DCLK1: variants seen among roughly 807,000 people sequenced by gnomAD.
DCLK1 encodes serine/threonine-protein kinase DCLK1.
Under a neutral mutation model 86.2 loss-of-function variants are expected in DCLK1, and 16 were observed. That is an observed-to-expected ratio of 0.19 (90% CI 0.13 to 0.28). The LOEUF is 0.28. Ranked by LOEUF, DCLK1 falls within the 10% of genes least tolerant of loss-of-function variation. The probability of loss-of-function intolerance (pLI) is 1.00; values close to 1 mark genes in which losing one functional copy is unlikely to be tolerated. For missense variants in DCLK1, 590 were observed against 940.2 expected (o/e 0.63, Z 4.87); for synonymous variants, 369 against 370.5 (o/e 1.00, Z 0.05).
intron 4 of DCLK1, among the ~76,000 whole-genome samples, chr13:35,936,133 G>T (rs1876737581): frequency 6.6e-6 from 1 of 152,116 alleles, no homozygotes; most frequent in Non-Finnish European, 1.5e-5. Context: ...ACTATGAAGG[G>T]TCAAGGGGAG....
chr13:36,007,031 A>C (rs1881004862), intron 3 of DCLK1, among the ~76,000 whole-genome samples: 1 of 152,200 alleles, frequency 6.6e-6, no homozygotes. Flanking sequence ...TACACAAAGA[A>C]ATCAAGATCT....
At chr13:35,977,381 C>G (rs1025633279) in intron 3 of DCLK1, among the ~76,000 whole-genome samples, 8 of 152,106 alleles carry the variant, frequency 5.3e-5, no homozygotes, top group African/African-American at 1.9e-4. Context: ...CCAGCTCACC[C>G]CAAATAAGTG....
chr13:35,923,709 A>G (rs1875940113), intron 4 of DCLK1, among the ~76,000 whole-genome samples: 1 of 152,096 alleles, frequency 6.6e-6, no homozygotes, highest in African/African-American at 2.4e-5. Flanking sequence ...CTATTTCTAT[A>G]TGCTGCAGTT....
At chr13:35,888,461 C>G (rs570211532) in intron 4 of DCLK1, among the ~76,000 whole-genome samples, 1 of 152,308 alleles carries the variant, frequency 6.6e-6, no homozygotes, top group East Asian at 1.9e-4. Flanking sequence ...TCCCTTAAAC[C>G]TATTTGAAGA....
intron 4 of DCLK1, among the ~76,000 whole-genome samples, chr13:35,937,270 G>A (rs1231462094): frequency 1.3e-5 from 2 of 152,178 alleles, no homozygotes; most frequent in East Asian, 3.9e-4. Flanking sequence ...ACCGCACCCG[G>A]TCCCAGAAAG....
At chr13:35,802,874 C>T (rs1483937313) in intron 15 of DCLK1, among the ~76,000 whole-genome samples, 1 of 152,156 alleles carries the variant, frequency 6.6e-6, no homozygotes, top group Non-Finnish European at 1.5e-5. Context: ...TCAGTCAGAA[C>T]CAACCACTGC....
In DCLK1 at chr13:35,854,481, G is replaced by A. The variant is rs778695804; in HGVS notation, c.1035+18C>T. Reference sequence around the variant, plus strand: ...GGCTGAGACAGGTCTGAAACAAGCAGCTTGCTTATTTCCTTACCCTCTGCT... The same window carrying A: ...GGCTGAGACAGGTCTGAAACAAGCAACTTGCTTATTTCCTTACCCTCTGCT... On this transcript the variant is annotated intron_variant, in intron 6 of 16. Transcript: ENST00000360631. The A allele has an allele frequency of 1.3e-6, 2 of 1,578,094 alleles. No individual in the cohort carries two copies. The highest frequency in any genetic ancestry group is 2.7e-5 in the African/African-American group (2 of 73,620).
At chr13:35,913,214 T>C (rs951247313) in intron 4 of DCLK1, among the ~76,000 whole-genome samples, 1 of 152,172 alleles carries the variant, frequency 6.6e-6, no homozygotes, top group African/African-American at 2.4e-5. Flanking sequence ...GTTAGTTCAG[T>C]TTCAGCTGAA....
At chr13:35,797,295 T>C (rs925880907) in intron 15 of DCLK1, among the ~76,000 whole-genome samples, 4 of 152,098 alleles carry the variant, frequency 2.6e-5, no homozygotes, top group Non-Finnish European at 4.4e-5. Context: ...CTCCCCACCA[T>C]TGGCATCTTT....
At chr13:35,826,954 T>A (rs1868522452) in intron 10 of DCLK1, among the ~76,000 whole-genome samples, 1 of 152,202 alleles carries the variant, frequency 6.6e-6, no homozygotes, top group African/African-American at 2.4e-5. Context: ...AACAGCTTCA[T>A]GAAAATGAAG....
intron 3 of DCLK1, among the ~76,000 whole-genome samples, chr13:35,969,259 T>G (rs558399067): frequency 6.6e-6 from 1 of 152,312 alleles, no homozygotes; most frequent in African/African-American, 2.4e-5. Context: ...CCTGCAGATG[T>G]GACCTTATTT....
intron 5 of DCLK1, among the ~76,000 whole-genome samples, chr13:35,861,626 A>G (rs1158643688): frequency 1.4e-5 from 2 of 146,326 alleles, no homozygotes; most frequent in African/African-American, 2.5e-5. Context: ...TGACATCTCA[A>G]CATCAAGCAT....
chr13:35,971,100 G>T (rs1482286359), intron 3 of DCLK1, among the ~76,000 whole-genome samples: 1 of 152,178 alleles, frequency 6.6e-6, no homozygotes, highest in East Asian at 1.9e-4. Context: ...GTTAAACCCA[G>T]CTCTTTAGCA....
intron 3 of DCLK1, among the ~76,000 whole-genome samples, chr13:36,109,477 C>A (rs767942576): frequency 6.6e-6 from 1 of 152,150 alleles, no homozygotes; most frequent in South Asian, 2.1e-4. Context: ...ATGTTTTTAA[C>A]GAGTTCTGTG....
At chr13:36,027,758 G>A (rs1169932513) in intron 3 of DCLK1, among the ~76,000 whole-genome samples, 1 of 152,162 alleles carries the variant, frequency 6.6e-6, no homozygotes, top group Non-Finnish European at 1.5e-5. Flanking sequence ...TTTGAGACAA[G>A]GTCTTGCTCT....
rs2153103103 is a variant in DCLK1 at position 35,811,697 on chromosome 13, G to A, written c.1555-729C>T. Among the ~76,000 whole-genome samples, 2 of 152,118 alleles carry A rather than the reference G, an allele frequency of 1.3e-5. 1 individual carries two copies. The highest frequency in any genetic ancestry group is 3.9e-4 in the East Asian group (2 of 5,150). On this transcript the variant is annotated intron_variant, in intron 11 of 16. Transcript: ENST00000360631. The stretch of plus-strand genomic sequence containing the variant: ...AAAAATACAAAAAGTAGCTGGGCGT[G>A]GTGGCGGGCACCTGTAATCTCAGCT...
At chr13:36,106,358 T>C (rs929442631) in intron 3 of DCLK1, among the ~76,000 whole-genome samples, 6 of 152,206 alleles carry the variant, frequency 3.9e-5, no homozygotes, top group African/African-American at 1.4e-4. Flanking sequence ...TGAAGTGTCA[T>C]TACGATTCTT....
chr13:35,947,273 G>A, intron 4 of DCLK1, 85 bp downstream of exon 4: 1 of 959,136 alleles, frequency 1.0e-6, no homozygotes, highest in East Asian at 2.6e-5. Flanking sequence ...GGTAGCTTTG[G>A]AGTTGACATA....
chr13:36,073,636 A>G (rs1437247303), intron 3 of DCLK1, among the ~76,000 whole-genome samples: 2 of 152,206 alleles, frequency 1.3e-5, no homozygotes, highest in South Asian at 2.1e-4. Flanking sequence ...GTTTAATTCC[A>G]TCACCACCTG....
Sources: allele counts gnomAD v4.1 joint callset (sites outside exome capture counted in the v4.1 genomes callset), GRCh38; gene constraint gnomAD v4.1.1; transcripts MANE v1.5; gene names NCBI Gene and HGNC (gene_info 2026-07-23, HGNC 2026-07-21).